SLC44A5: variants seen among roughly 807,000 people sequenced by gnomAD.
SLC44A5 encodes solute carrier family 44 member 5, also known as choline transporter-like protein 5.
In SLC44A5, 57 loss-of-function variants were observed where a neutral mutation model predicts 101.8. The observed-to-expected ratio is 0.56, with a 90% CI of 0.45 to 0.70. The LOEUF (loss-of-function observed/expected upper bound fraction) is 0.70. Among genes scored for constraint, SLC44A5 ranks in the 30% least tolerant of loss-of-function variants. The pLI is 0.00. For synonymous variants in SLC44A5, 281 were observed against 290.9 expected (o/e 0.97, Z 0.35); for missense variants, 737 against 853.1 (o/e 0.86, Z 1.70).
At chr1:75,460,398 G>A (rs923016087) in intron 2 of SLC44A5, among the ~76,000 whole-genome samples, 8 of 152,044 alleles carry the variant, frequency 5.3e-5, no homozygotes, top group Non-Finnish European at 1.2e-4. Flanking sequence ...TCAACTTTTG[G>A]GGCTTTAAAC....
intron 3 of SLC44A5, among the ~76,000 whole-genome samples, chr1:75,364,098 T>C (rs1166759726): frequency 2.0e-5 from 3 of 152,198 alleles, no homozygotes; most frequent in Non-Finnish European, 4.4e-5. Context: ...AGAATTACTG[T>C]CATTGATTTT....
intron 1 of SLC44A5, among the ~76,000 whole-genome samples, chr1:75,547,050 GAA>G (rs1469352610): frequency 6.6e-6 from 1 of 152,074 alleles, no homozygotes; most frequent in East Asian, 1.9e-4. Context: ...CATGTTTTAT[GAA>G]AAGTTTATAG....
intron 3 of SLC44A5, among the ~76,000 whole-genome samples, chr1:75,368,655 A>G (rs995152535): frequency 1.3e-5 from 2 of 149,680 alleles, no homozygotes; most frequent in South Asian, 2.2e-4. Context: ...ACACACACAC[A>G]CACACACACA....
rs563823716 is a variant in SLC44A5, at chr1:75,289,967, C to A, written c.175+10645G>T. ...AGAATTTGAAGATACGTTTGTCTCA[C>A]GTAGCTGCTTAGTGAAGCCCCTTCT... On this transcript the variant is annotated intron_variant, in intron 5 of 23. Coordinates refer to ENST00000370859, the MANE Select transcript of SLC44A5 (RefSeq NM_001130058.2). Among the ~76,000 whole-genome samples, 6 of 152,184 alleles carry A rather than the reference C, an allele frequency of 3.9e-5. No homozygotes were observed. In the East Asian group the frequency reaches 1.2e-3, roughly 29 times the overall value.
intron 3 of SLC44A5, among the ~76,000 whole-genome samples, chr1:75,354,742 G>A (rs1376608773): frequency 6.6e-6 from 1 of 152,090 alleles, no homozygotes; most frequent in Non-Finnish European, 1.5e-5. Context: ...ATCAACTTTC[G>A]AGCTCTTAAG....
chr1:75,367,213 A>G (rs1232928486), intron 3 of SLC44A5, among the ~76,000 whole-genome samples: 1 of 152,164 alleles, frequency 6.6e-6, no homozygotes, highest in East Asian at 1.9e-4. Flanking sequence ...TCCCCAGGAT[A>G]ATGGGATTGC....
the SLC44A5 span, among the ~76,000 whole-genome samples, chr1:75,689,515 C>A: frequency 2.0e-5 from 3 of 152,146 alleles, no homozygotes; most frequent in Non-Finnish European, 4.4e-5. Context: ...CATTACTAAG[C>A]CATTGTACGA....
chr1:75,400,271 A>G (rs1662393391), intron 2 of SLC44A5, among the ~76,000 whole-genome samples: 1 of 152,220 alleles, frequency 6.6e-6, no homozygotes, highest in Non-Finnish European at 1.5e-5. Flanking sequence ...GTTCCATAAA[A>G]GTCCAAACCC....
intron 2 of SLC44A5, among the ~76,000 whole-genome samples, chr1:75,487,854 G>A (rs1209170901): frequency 6.6e-6 from 1 of 152,190 alleles, no homozygotes; most frequent in Non-Finnish European, 1.5e-5. Flanking sequence ...GAACTGAGCT[G>A]CACAGTGAGG....
At chr1:75,507,277 A>T (rs1390613370) in intron 2 of SLC44A5, among the ~76,000 whole-genome samples, 1 of 152,106 alleles carries the variant, frequency 6.6e-6, no homozygotes, top group African/African-American at 2.4e-5. Flanking sequence ...GATTTTATTT[A>T]AAGCTTTCTC....
At chr1:75,717,588 C>T in the SLC44A5 span, among the ~76,000 whole-genome samples, 2 of 152,074 alleles carry the variant, frequency 1.3e-5, no homozygotes, top group Admixed American at 6.5e-5. Context: ...TAAACCTGCA[C>T]ACGTACCTCT....
chr1:75,323,021 A>G (rs1656289781), intron 4 of SLC44A5, among the ~76,000 whole-genome samples: 1 of 151,238 alleles, frequency 6.6e-6, no homozygotes. Flanking sequence ...TACATGTGCC[A>G]TGCTGGTGCG....
intron 2 of SLC44A5, among the ~76,000 whole-genome samples, chr1:75,429,466 G>A (rs1160153736): frequency 1.3e-5 from 2 of 152,190 alleles, no homozygotes; most frequent in Non-Finnish European, 2.9e-5. Flanking sequence ...TTGGGCAAGT[G>A]AGGGCTATGA....
At chr1:75,607,612 C>T (rs1381809513) in intron 1 of SLC44A5, among the ~76,000 whole-genome samples, 1 of 151,988 alleles carries the variant, frequency 6.6e-6, no homozygotes, top group Non-Finnish European at 1.5e-5. Context: ...CCCATAATTC[C>T]CACATGTCAT....
At chr1:75,556,041 A>G (rs1245823429) in intron 1 of SLC44A5, among the ~76,000 whole-genome samples, 2 of 152,130 alleles carry the variant, frequency 1.3e-5, no homozygotes, top group Admixed American at 1.3e-4. Context: ...GATAGAAAGC[A>G]TATGAGTGAT....
At chr1:75,606,832 T>C (rs769598979) in intron 1 of SLC44A5, among the ~76,000 whole-genome samples, 6 of 152,038 alleles carry the variant, frequency 3.9e-5, no homozygotes, top group Non-Finnish European at 8.8e-5. Context: ...CTTTCTTCCT[T>C]GGTTCCAAGA....
intron 9 of SLC44A5, 23 bp downstream of exon 9, chr1:75,241,978 A>G: frequency 1.3e-6 from 2 of 1,590,396 alleles, no homozygotes; most frequent in Non-Finnish European, 8.6e-7. Flanking sequence ...CTATGTTTCT[A>G]AGGTAAAATA....
At position 75,425,523 on chromosome 1, in the gene SLC44A5, G is replaced by A. The variant is rs911919575; in HGVS notation, c.14-28902C>T. On this transcript the variant is annotated intron_variant, in intron 2 of 23. Transcript: ENST00000370859. ...CCACAGCCTAGTGGAAAAGAAAGAG[G>A]CTGCACAGACGATTATCTTCTTGAG... is the stretch of plus-strand genomic sequence containing the variant. Among the ~76,000 whole-genome samples the A allele has an allele frequency of 4.6e-5, 7 of 152,146 alleles. No homozygotes were observed. The South Asian group carries it at 6.2e-4, about 14-fold the overall frequency.
At chr1:75,690,295 A>G in the SLC44A5 span, among the ~76,000 whole-genome samples, 1 of 140,472 alleles carries the variant, frequency 7.1e-6, no homozygotes, top group African/African-American at 2.4e-5. Context: ...AGTGCCAAAT[A>G]CTTGTAAAAC....
Sources: gnomAD v4.1 joint callset for allele counts (sites outside exome capture counted in the v4.1 genomes callset) on GRCh38, gnomAD v4.1.1 for gene constraint, MANE v1.5 for transcripts, NCBI Gene and HGNC (gene_info 2026-07-23, HGNC 2026-07-21) for gene names.